Variants in OPHN1 observed in about 807,000 individuals in gnomAD.
The protein encoded by OPHN1 is oligophrenin 1, also known as oligophrenin-1.
OPHN1 carries 11 observed loss-of-function variants against 60.7 expected under a neutral mutation model. That is an observed-to-expected ratio of 0.18 (90% CI 0.11 to 0.30). The LOEUF (loss-of-function observed/expected upper bound fraction) is 0.30. Ranked by LOEUF, OPHN1 falls within the 10% of genes least tolerant of loss-of-function variation. The pLI, the probability that OPHN1 is intolerant of heterozygous loss-of-function variation, is 1.00. For missense variants in OPHN1, 449 were observed against 611.0 expected, an observed-to-expected ratio of 0.73 and a Z score of 2.80; for synonymous variants, 226 against 222.6, an observed-to-expected ratio of 1.02 and a Z score of -0.14.
intron 21 of OPHN1, among the ~76,000 whole-genome samples, chrX:68,063,604 A>G (rs1217439473): frequency 1.8e-5 from 2 of 112,181 alleles, no homozygotes; most frequent in African/African-American, 6.5e-5. Context: ...ATCAGCAATT[A>G]GTACAGTGCC....
intron 9 of OPHN1, 78 bp downstream of exon 9, chrX:68,210,075 C>T: frequency 6.3e-6 from 7 of 1,115,085 alleles, no homozygotes; most frequent in Non-Finnish European, 8.6e-6. Flanking sequence ...AGTAAGGGTG[C>T]CCAAAATTCA....
chrX:68,240,367 GT>G (rs1156734704), intron 5 of OPHN1, among the ~76,000 whole-genome samples: 6 of 111,429 alleles, frequency 5.4e-5, no homozygotes, highest in Non-Finnish European at 7.5e-5. Context: ...CATTTCTAAG[GT>G]TAAAATTTTT....
chrX:68,191,737 G>C (rs2077488804), intron 15 of OPHN1, among the ~76,000 whole-genome samples: 1 of 111,868 alleles, frequency 8.9e-6, no homozygotes, highest in African/African-American at 3.3e-5. Context: ...GTCTTGCTCA[G>C]CTGAAGAGAT....
intron 15 of OPHN1, chrX:68,132,825 C>G (rs1265963288): frequency 4.4e-6 from 1 of 228,783 alleles, no homozygotes; most frequent in Non-Finnish European, 7.8e-6. Context: ...TTGGGCCGCA[C>G]TTACCCGAGT....
intron 19 of OPHN1, 171 bp from the exon 20 acceptor site, chrX:68,073,470 G>T: frequency 2.3e-6 from 1 of 441,620 alleles, no homozygotes; most frequent in Non-Finnish European, 3.8e-6. Context: ...ACAGGTAAAT[G>T]TTTAGGTATC....
intron 15 of OPHN1, among the ~76,000 whole-genome samples, chrX:68,179,030 G>C (rs1442019014): frequency 8.9e-6 from 1 of 112,066 alleles, no homozygotes; most frequent in African/African-American, 3.2e-5. Context: ...CTTCTCTCTA[G>C]TTCCCTTTTA....
chrX:68,359,198 C>T (rs1166522722), intron 2 of OPHN1, among the ~76,000 whole-genome samples: 1 of 111,888 alleles, frequency 8.9e-6, no homozygotes, highest in East Asian at 2.8e-4. Flanking sequence ...TTTACCCTCT[C>T]ATATGATTAT....
chrX:68,311,405 C>T (rs181875904), intron 2 of OPHN1, among the ~76,000 whole-genome samples: 1 of 112,255 alleles, frequency 8.9e-6, no homozygotes, highest in African/African-American at 3.2e-5. Context: ...ATGAAATCCC[C>T]AGAATACATG....
chrX:68,389,230 T>C (rs1253828451), intron 2 of OPHN1, among the ~76,000 whole-genome samples: 4 of 108,708 alleles, frequency 3.7e-5, no homozygotes, highest in Non-Finnish European at 7.7e-5. Context: ...GTGCTTGGAT[T>C]ACAGGCATGA....
intron 18 of OPHN1, among the ~76,000 whole-genome samples, chrX:68,102,855 A>C (rs1224514049): frequency 9.0e-6 from 1 of 111,727 alleles, no homozygotes; most frequent in Non-Finnish European, 1.9e-5. Flanking sequence ...ATAGACCAAT[A>C]ACAAGTTCTG....
chrX:68,212,026 G>C (rs2077586791), intron 8 of OPHN1, 82 bp downstream of exon 8: 10 of 676,856 alleles, frequency 1.5e-5, no homozygotes, highest in African/African-American at 2.1e-5. Flanking sequence ...CAGTAACCTA[G>C]AATTCCAAGA....
intron 19 of OPHN1, among the ~76,000 whole-genome samples, chrX:68,076,204 G>C (rs768340357): frequency 9.1e-6 from 1 of 110,406 alleles, no homozygotes; most frequent in African/African-American, 3.3e-5. Context: ...CATACAAATG[G>C]CAAACATAAA....
At chrX:68,307,996 A>G (rs184883095) in intron 2 of OPHN1, among the ~76,000 whole-genome samples, 1 of 112,307 alleles carries the variant, frequency 8.9e-6, no homozygotes, top group East Asian at 2.8e-4. Flanking sequence ...ATTAGTTTCA[A>G]TGACTCATCA....
chrX:68,056,104 T>TA lies in OPHN1; in HGVS notation c.2159-2295dup, dbSNP rs1324929520. Reference sequence around the variant, plus strand: ...GTACTTCAGAACTTAAAATATAATTTAAAAAAAAAGAAAGAAAAACCCTCC... The same window carrying TA: ...GTACTTCAGAACTTAAAATATAATTTAAAAAAAAAAGAAAGAAAAACCCTCC... On this transcript the variant is annotated intron_variant, in intron 21 of 24. Coordinates refer to ENST00000355520, the MANE Select transcript of OPHN1 (RefSeq NM_002547.3). 2.4e-4 allele frequency among the ~76,000 whole-genome samples: 26 copies of TA among 109,310 alleles called. No homozygotes were observed. In the South Asian group the frequency reaches 3.9e-3, roughly 17 times the overall value. 94.9% of individuals were successfully genotyped at this position (109,310 alleles called of 115,157 possible).
intron 2 of OPHN1, among the ~76,000 whole-genome samples, chrX:68,309,539 C>A (rs1252058063): frequency 8.9e-6 from 1 of 111,902 alleles, no homozygotes; most frequent in East Asian, 2.8e-4. Flanking sequence ...ATACTCAGTT[C>A]TCATTATTTA....
At chrX:68,170,201 T>G (rs1694931496) in intron 15 of OPHN1, among the ~76,000 whole-genome samples, 1 of 107,384 alleles carries the variant, frequency 9.3e-6, no homozygotes, top group Admixed American at 1.0e-4. Context: ...TCACTGGCCA[T>G]CAGAGAAATG....
chrX:68,072,903 C>T (rs992710484), intron 20 of OPHN1, among the ~76,000 whole-genome samples: 33 of 111,606 alleles, frequency 3.0e-4, no homozygotes, highest in African/African-American at 1.1e-3. Context: ...ACCTTGGATC[C>T]TGCACTGGCC....
At chrX:68,163,762 A>C (rs73526551) in intron 15 of OPHN1, among the ~76,000 whole-genome samples, 1 of 110,719 alleles carries the variant, frequency 9.0e-6, no homozygotes, top group African/African-American at 3.3e-5. Flanking sequence ...TCTTTTGTCT[A>C]TTTAATAACA....
chrX:68,288,284 C>G (rs2078054629), intron 3 of OPHN1, among the ~76,000 whole-genome samples: 2 of 111,742 alleles, frequency 1.8e-5, no homozygotes, highest in Admixed American at 1.9e-4. Context: ...CAAGGTCACA[C>G]AGCTAGCTGA....
Sources: gnomAD v4.1 joint callset for allele counts (sites outside exome capture counted in the v4.1 genomes callset) on GRCh38, gnomAD v4.1.1 for gene constraint, MANE v1.5 for transcripts, NCBI Gene and HGNC (gene_info 2026-07-23, HGNC 2026-07-21) for gene names.